The following CPED1 variants were observed in gnomAD, a reference collection of about 807,000 sequenced individuals.
CPED1 encodes cadherin-like and PC-esterase domain-containing protein 1.
A neutral mutation model predicts 128.2 loss-of-function variants in CPED1; 114 were observed. The observed-to-expected ratio is 0.89, with a 90% CI of 0.76 to 1.04. The LOEUF (loss-of-function observed/expected upper bound fraction) is 1.04. Among genes scored for constraint, CPED1 ranks in the 50% least tolerant of loss-of-function variants. The pLI, the probability that CPED1 is intolerant of heterozygous loss-of-function variation, is 0.00. For synonymous variants in CPED1, 462 were observed against 426.7 expected (o/e 1.08, Z -1.02); for missense variants, 1,211 against 1,207.1 (o/e 1.00, Z -0.05).
intron 7 of CPED1, among the ~76,000 whole-genome samples, chr7:121,105,068 G>C (rs1794940560): frequency 6.6e-6 from 1 of 151,960 alleles, no homozygotes; most frequent in South Asian, 2.1e-4. Flanking sequence ...TGGCCTTCAG[G>C]GGACCATTCT....
chr7:121,063,382 A>G (rs1018211778), intron 4 of CPED1, among the ~76,000 whole-genome samples: 1 of 8,442 alleles, frequency 1.2e-4, no homozygotes, highest in African/African-American at 3.1e-4. Flanking sequence ...GAAGAAACTG[A>G]AAAAAAAAAA....
intron 3 of CPED1, among the ~76,000 whole-genome samples, chr7:121,027,607 C>T (rs1039947591): frequency 6.6e-6 from 1 of 151,990 alleles, no homozygotes; most frequent in African/African-American, 2.4e-5. Flanking sequence ...CTCAGCTCAA[C>T]CAACTGAGGA....
intron 16 of CPED1, among the ~76,000 whole-genome samples, chr7:121,202,190 T>C (rs975500009): frequency 8.5e-5 from 13 of 152,122 alleles, no homozygotes; most frequent in Admixed American, 1.3e-4. Flanking sequence ...CTTCCAAAGT[T>C]TTGGCCACCC....
intron 22 of CPED1, among the ~76,000 whole-genome samples, chr7:121,286,501 C>G (rs932588240): frequency 2.0e-5 from 3 of 152,196 alleles, no homozygotes; most frequent in Non-Finnish European, 4.4e-5. Flanking sequence ...ACCTGGGATC[C>G]TCCTAGAAGA....
At chr7:121,105,716 A>G (rs1794959024) in intron 7 of CPED1, among the ~76,000 whole-genome samples, 1 of 152,158 alleles carries the variant, frequency 6.6e-6, no homozygotes, top group South Asian at 2.1e-4. Context: ...AAAAACTTTT[A>G]TAATAACTGC....
rs764625940 is a variant in CPED1, at chr7:121,166,309, G to A, written c.2055+24168G>A. On this transcript the variant is annotated intron_variant, in intron 16 of 22. Coordinates refer to ENST00000310396, the MANE Select transcript of CPED1 (RefSeq NM_024913.5). The stretch of plus-strand genomic sequence containing the variant: ...GGAAAATTGCTATGATGTATAAAAT[G>A]GACATAATTTATACTTGCCCCAACC... Among the ~76,000 whole-genome samples the A allele has an allele frequency of 1.4e-4, 22 of 152,164 alleles. No homozygotes were observed. The South Asian group carries it at 2.1e-3, about 14-fold the overall frequency.
At position 121,267,404 on chromosome 7, in the gene CPED1, T is replaced by C. The variant is rs529015691; in HGVS notation, c.2721+102T>C. ...ACTATATAATATTGAGCAACCTTCA[T>C]GAAAGTAAAAAAAAGAGATTGTGCT... On this transcript the variant is annotated intron_variant, in intron 21 of 22. Coordinates refer to ENST00000310396, the MANE Select transcript of CPED1 (RefSeq NM_024913.5). The C allele has an allele frequency of 9.4e-6, 5 of 530,762 alleles. 1 individual carries two copies. Among genetic ancestry groups the C allele is most frequent in the Admixed American group, 4.0e-5 (1 of 25,220 alleles). The allele number at this position is 530,762 out of a possible 1,614,324, so 32.9% of individuals were successfully genotyped here. A position where few individuals can be genotyped will look rare whatever the true frequency, so the allele number is the denominator to read the frequency against.
At chr7:121,247,985 A>G (rs1419898270) in intron 18 of CPED1, among the ~76,000 whole-genome samples, 1 of 152,200 alleles carries the variant, frequency 6.6e-6, no homozygotes, top group Non-Finnish European at 1.5e-5. Context: ...AGCAGCCTCC[A>G]CTGCACAGCT....
intron 5 of CPED1, among the ~76,000 whole-genome samples, chr7:121,068,724 A>T (rs552393635): frequency 6.6e-6 from 1 of 150,926 alleles, no homozygotes; most frequent in Admixed American, 6.6e-5. Context: ...CATTTTCACA[A>T]TATTGATTCT....
At chr7:121,266,849 CA>C (rs1010425039) in intron 20 of CPED1, 41 bp downstream of exon 20, 2 of 1,428,544 alleles carry the variant, frequency 1.4e-6, no homozygotes, top group Non-Finnish European at 2.0e-6. Context: ...TATTCTAAGT[CA>C]AAAAAGTTAC....
At chr7:121,233,128 A>G (rs1276356684) in intron 16 of CPED1, among the ~76,000 whole-genome samples, 3 of 152,084 alleles carry the variant, frequency 2.0e-5, no homozygotes, top group Admixed American at 1.3e-4. Flanking sequence ...AAAGTTAAGT[A>G]AATTTTTTGA....
Position 121,143,076 on chromosome 7 carries a change from G to A in CPED1, c.2055+935G>A, listed in dbSNP as rs368831580. Among the ~76,000 whole-genome samples the A allele has an allele frequency of 2.9e-3, 435 of 151,966 alleles. 19 individuals are homozygous for A. In the South Asian group the frequency reaches 0.087, roughly 30 times the overall value. Reference sequence around the variant, plus strand: ...AAGAGCTTTAAAAATCTCAGGGATTGGTATAATTTTTATTTTTTGAGGAAA... The same window carrying A: ...AAGAGCTTTAAAAATCTCAGGGATTAGTATAATTTTTATTTTTTGAGGAAA... On this transcript the variant is annotated intron_variant, in intron 16 of 22. Transcript: ENST00000310396.
intron 4 of CPED1, chr7:121,051,340 C>A: frequency 2.3e-6 from 1 of 436,084 alleles, no homozygotes; most frequent in Non-Finnish European, 4.3e-6. Context: ...GAGGGAATCC[C>A]ACCTCCTCCC....
chr7:121,172,646 T>A (rs28477952), intron 16 of CPED1, among the ~76,000 whole-genome samples: 15,798 of 119,588 alleles, frequency 0.13, 1,381 homozygotes, highest in African/African-American at 0.27. Flanking sequence ...GGGTGGGTGG[T>A]TGGATGGATG....
At chr7:121,109,433 G>A (rs1030224231) in intron 7 of CPED1, among the ~76,000 whole-genome samples, 9 of 152,112 alleles carry the variant, frequency 5.9e-5, no homozygotes, top group African/African-American at 2.2e-4. Flanking sequence ...GCTCGATGAA[G>A]CAAGTCTTTA....
intron 18 of CPED1, among the ~76,000 whole-genome samples, chr7:121,244,829 T>A (rs2116690374): frequency 6.6e-6 from 1 of 152,346 alleles, no homozygotes; most frequent in South Asian, 2.1e-4. Flanking sequence ...TCTTCTTTCA[T>A]ATTCCTGGGC....
At chr7:121,260,223 G>GT (rs59370305) in intron 18 of CPED1, among the ~76,000 whole-genome samples, 7,204 of 70,174 alleles carry the variant, frequency 0.1, 743 homozygotes, top group Middle Eastern at 0.18. Context: ...CTTGCTTCGC[G>GT]TTTTTTTTTT....
chr7:121,031,475 A>G (rs1444403386), intron 3 of CPED1, among the ~76,000 whole-genome samples: 1 of 152,050 alleles, frequency 6.6e-6, no homozygotes, highest in African/African-American at 2.4e-5. Flanking sequence ...TTTAGTGGAG[A>G]TGGGGTTTCA....
rs888499576 is a variant in CPED1 at position 121,193,982 on chromosome 7, C to G, written c.2056-42732C>G. Among the ~76,000 whole-genome samples the G allele has an allele frequency of 3.0e-5, 4 of 134,764 alleles. 1 individual carries two copies. In the Admixed American group the frequency reaches 3.1e-4, roughly 10 times the overall value. The allele number at this position is 134,764 out of a possible 152,430, so 88.4% of individuals were successfully genotyped here. On this transcript the variant is annotated intron_variant, in intron 16 of 22. Transcript: ENST00000310396. ...TCTGTACAGTCATGGCCTCTATTAA[C>G]ATGGATGAGCAAGCTCTCTCTCTCT...
Sources: gnomAD v4.1 joint callset for allele counts (sites outside exome capture counted in the v4.1 genomes callset) on GRCh38, gnomAD v4.1.1 for gene constraint, MANE v1.5 for transcripts, NCBI Gene and HGNC (gene_info 2026-07-23, HGNC 2026-07-21) for gene names.